XPO4: variants seen among roughly 807,000 people sequenced by gnomAD.
XPO4 encodes exportin-4.
A neutral mutation model predicts 143.0 loss-of-function variants in XPO4; 39 were observed. That is an observed-to-expected ratio of 0.27 (90% CI 0.21 to 0.36). XPO4 has a LOEUF of 0.36. Ranked by LOEUF, XPO4 falls within the 10% of genes least tolerant of loss-of-function variation. The pLI, the probability that XPO4 is intolerant of heterozygous loss-of-function variation, is 1.00. For synonymous variants in XPO4, 439 were observed against 474.0 expected (o/e 0.93, Z 0.96); for missense variants, 907 against 1,348.0 (o/e 0.67, Z 5.12).
At chr13:20,876,308 A>G (rs920398121) in intron 1 of XPO4, among the ~76,000 whole-genome samples, 17 of 151,688 alleles carry the variant, frequency 1.1e-4, no homozygotes, top group Non-Finnish European at 2.1e-4. Context: ...GTAATACCCA[A>G]CTAAATCTAA....
At chr13:20,884,866 T>G (rs2060446306) in intron 1 of XPO4, among the ~76,000 whole-genome samples, 1 of 152,200 alleles carries the variant, frequency 6.6e-6, no homozygotes, top group African/African-American at 2.4e-5. Context: ...CAAAAACAAG[T>G]AAAGATTAGT....
chr13:20,807,430 A>G (rs1390113715), intron 13 of XPO4, 27 bp downstream of exon 13: 2 of 1,577,818 alleles, frequency 1.3e-6, no homozygotes, highest in Admixed American at 1.9e-5. Flanking sequence ...AAAAATTACA[A>G]GAGCACAGCT....
rs756553779 is a variant in XPO4 at position 20,795,999 on chromosome 13, C to T, written c.2797+77G>A. 3.3e-5 allele frequency: 47 copies of T among 1,411,848 alleles called. No individual in the cohort carries two copies. The African/African-American group carries it at 6.4e-4, about 19-fold the overall frequency. 87.5% of individuals were successfully genotyped at this position (1,411,848 alleles called of 1,614,324 possible). A position where few individuals can be genotyped will look rare whatever the true frequency, so the allele number is the denominator to read the frequency against. ...AATTGAATTTCCTCATGAGATGTCT[C>T]TTACAGAAAACAATCCTTTGATTTA... On this transcript the variant is annotated intron_variant, in intron 18 of 22. Coordinates refer to ENST00000255305, the MANE Select transcript of XPO4 (RefSeq NM_022459.5).
intron 4 of XPO4, 58 bp downstream of exon 4, chr13:20,855,569 A>C (rs2138101155): frequency 7.2e-7 from 1 of 1,394,170 alleles, no homozygotes; most frequent in East Asian, 2.6e-5. Flanking sequence ...CTATAATGCT[A>C]TTTGTGTAAC....
intron 1 of XPO4, among the ~76,000 whole-genome samples, chr13:20,881,653 C>T (rs2060411235): frequency 6.6e-6 from 1 of 152,108 alleles, no homozygotes; most frequent in African/African-American, 2.4e-5. Context: ...AATAGACTTA[C>T]TATGTTTGGT....
intron 1 of XPO4, among the ~76,000 whole-genome samples, chr13:20,878,190 TGTTTGGGGAA>T (rs1309564093): frequency 1.3e-5 from 2 of 152,030 alleles, no homozygotes; most frequent in Non-Finnish European, 2.9e-5. Flanking sequence ...AACTAACAAG[TGTTTGGGGAA>T]GTTTGGGGTA....
intron 6 of XPO4, among the ~76,000 whole-genome samples, chr13:20,840,611 C>A (rs1023176903): frequency 2.0e-5 from 3 of 152,186 alleles, no homozygotes; most frequent in Non-Finnish European, 4.4e-5. Flanking sequence ...TTATTCCATT[C>A]TTTTCCTTAC....
At chr13:20,865,928 T>C (rs34542854) in intron 2 of XPO4, among the ~76,000 whole-genome samples, 8,720 of 152,284 alleles carry the variant, frequency 0.057, 628 homozygotes, top group African/African-American at 0.17. Context: ...AAAAGTTTAC[T>C]AGTTTAACTG....
At chr13:20,815,842 G>A (rs1198948404) in intron 9 of XPO4, among the ~76,000 whole-genome samples, 1 of 152,144 alleles carries the variant, frequency 6.6e-6, no homozygotes, top group Non-Finnish European at 1.5e-5. Flanking sequence ...AGAGATTGTA[G>A]AAGCTGCAAA....
intron 8 of XPO4, 109 bp downstream of exon 8, chr13:20,822,023 T>G: frequency 7.0e-7 from 1 of 1,418,864 alleles, no homozygotes; most frequent in Non-Finnish European, 9.4e-7. Flanking sequence ...CCCATATGAC[T>G]TTACTTCAAA....
chr13:20,836,525 C>T (rs903370079), intron 6 of XPO4, among the ~76,000 whole-genome samples: 3 of 152,168 alleles, frequency 2.0e-5, no homozygotes, highest in Admixed American at 1.3e-4. Context: ...ACCACCTCTC[C>T]TATTTCCTTA....
intron 6 of XPO4, among the ~76,000 whole-genome samples, chr13:20,841,857 C>T (rs1407782654): frequency 6.6e-6 from 1 of 151,432 alleles, no homozygotes; most frequent in Non-Finnish European, 1.5e-5. Context: ...GATTTCACAT[C>T]TATTTCCTGT....
intron 1 of XPO4, chr13:20,902,112 C>A (rs1224353733): frequency 2.0e-6 from 2 of 985,294 alleles, no homozygotes; most frequent in East Asian, 1.1e-4. Context: ...TTGGTCTCAA[C>A]GATTCCCCTC....
chr13:20,876,945 G>A (rs2060359108), intron 1 of XPO4, among the ~76,000 whole-genome samples: 1 of 152,156 alleles, frequency 6.6e-6, no homozygotes, highest in African/African-American at 2.4e-5. Context: ...TCCCTTATTT[G>A]TCCATGCCCA....
In XPO4 at chr13:20,783,316, G is replaced by A; in HGVS notation, c.*406C>T. The A allele has an allele frequency of 5.3e-6, 1 of 187,138 alleles. No individual in the cohort carries two copies. The highest frequency in any genetic ancestry group is 1.1e-5 in the Non-Finnish European group (1 of 89,546). The allele number at this position is 187,138 out of a possible 1,614,324, so 11.6% of individuals were successfully genotyped here. ...CCTCAAGTGATGCAGGCGATCTATG[G>A]AGATTTTGAGAAACACTGCCTAGCA... On this transcript the variant is annotated 3_prime_UTR_variant, in exon 23 of 23. Coordinates refer to ENST00000255305, the MANE Select transcript of XPO4 (RefSeq NM_022459.5).
At chr13:20,877,813 G>A (rs1210011881) in intron 1 of XPO4, among the ~76,000 whole-genome samples, 3 of 152,128 alleles carry the variant, frequency 2.0e-5, no homozygotes, top group Non-Finnish European at 4.4e-5. Context: ...TATTAAACAT[G>A]ACAACACACT....
intron 3 of XPO4, 101 bp downstream of exon 3, chr13:20,862,616 A>C (rs1275580532): frequency 6.8e-6 from 10 of 1,466,398 alleles, no homozygotes; most frequent in Non-Finnish European, 9.4e-6. Context: ...GTGAGCCACT[A>C]TACCCACCCA....
At chr13:20,894,136 C>G (rs2060545549) in intron 1 of XPO4, among the ~76,000 whole-genome samples, 1 of 152,144 alleles carries the variant, frequency 6.6e-6, no homozygotes, top group Admixed American at 6.6e-5. Flanking sequence ...GCCACGGTGT[C>G]CAGCCAGAAA....
At chr13:20,830,791 C>T (rs946026048) in intron 6 of XPO4, among the ~76,000 whole-genome samples, 2 of 151,948 alleles carry the variant, frequency 1.3e-5, no homozygotes, top group Admixed American at 6.6e-5. Context: ...GTTGCTGCCC[C>T]GAATAACAGA....
Sources: allele counts gnomAD v4.1 joint callset (sites outside exome capture counted in the v4.1 genomes callset), GRCh38; gene constraint gnomAD v4.1.1; transcripts MANE v1.5; gene names NCBI Gene and HGNC (gene_info 2026-07-23, HGNC 2026-07-21).